Variants in SLC25A12 observed in about 807,000 individuals in gnomAD.
SLC25A12 encodes solute carrier family 25 member 12.
A neutral mutation model predicts 83.3 loss-of-function variants in SLC25A12; 32 were observed. The ratio of observed to expected loss-of-function variants is 0.38; its 90% CI spans 0.29 to 0.52. The LOEUF is 0.52. Among genes scored for constraint, SLC25A12 ranks in the 20% least tolerant of loss-of-function variants. The probability of loss-of-function intolerance (pLI) is 0.84; values close to 1 mark genes in which losing one functional copy is unlikely to be tolerated. For missense variants in SLC25A12, 611 were observed against 835.6 expected (o/e 0.73, Z 3.31); for synonymous variants, 267 against 291.1 (o/e 0.92, Z 0.84).
chr2:171,787,895 C>T lies in SLC25A12; in HGVS notation c.1638G>A (p.Leu546=). Residue 546 remains leucine (L), a synonymous_variant, in exon 16 of 18, where the codon CTG becomes CTA. Coordinates refer to ENST00000422440, the MANE Select transcript of SLC25A12 (RefSeq NM_003705.5). ...VTPADVIKTR[L]QVAARAGQTT... Reference sequence around the variant, plus strand: ...TCTGGCCAGCGCGGGCAGCCACCTGCAGTCTTGTCTTGATGACATCAGCAG... The same window carrying T: ...TCTGGCCAGCGCGGGCAGCCACCTGTAGTCTTGTCTTGATGACATCAGCAG... 1 of 1,614,250 alleles carries T rather than the reference C, an allele frequency of 6.2e-7. No homozygotes were observed.
intron 9 of SLC25A12, among the ~76,000 whole-genome samples, chr2:171,821,108 C>A (rs945752806): frequency 1.5e-5 from 2 of 134,548 alleles, no homozygotes; most frequent in Admixed American, 8.3e-5. Flanking sequence ...TGGCTCACTG[C>A]AACCTCTACC....
chr2:171,886,687 T>C (rs1429230058), intron 2 of SLC25A12, among the ~76,000 whole-genome samples: 2 of 152,002 alleles, frequency 1.3e-5, no homozygotes, highest in African/African-American at 4.8e-5. Context: ...TTTTTTTGTA[T>C]TTTTTGTAGA....
At chr2:171,867,876 G>A (rs981022484) in intron 3 of SLC25A12, among the ~76,000 whole-genome samples, 12 of 152,188 alleles carry the variant, frequency 7.9e-5, no homozygotes, top group East Asian at 5.8e-4. Context: ...ATGGAGCCTC[G>A]CTCTGTTGCC....
At chr2:171,842,784 A>C (rs1240137282) in intron 5 of SLC25A12, among the ~76,000 whole-genome samples, 1 of 152,166 alleles carries the variant, frequency 6.6e-6, no homozygotes, top group African/African-American at 2.4e-5. Context: ...GATATAAGAC[A>C]CTGTGAACGT....
At chr2:171,883,413 C>T (rs937200645) in intron 2 of SLC25A12, among the ~76,000 whole-genome samples, 1 of 152,158 alleles carries the variant, frequency 6.6e-6, no homozygotes, top group African/African-American at 2.4e-5. Context: ...CTACAAATCC[C>T]ATGTAGGCTC....
At chr2:171,888,832 T>C (rs1268483325) in intron 2 of SLC25A12, among the ~76,000 whole-genome samples, 3 of 152,192 alleles carry the variant, frequency 2.0e-5, no homozygotes, top group African/African-American at 7.2e-5. Context: ...TATTGACTAT[T>C]TGTGAACTTA....
intron 14 of SLC25A12, among the ~76,000 whole-genome samples, chr2:171,793,424 T>C (rs1243504916): frequency 6.6e-6 from 1 of 152,168 alleles, no homozygotes; most frequent in Non-Finnish European, 1.5e-5. Context: ...GGCAGTTTCA[T>C]AAAAGCCTGA....
At chr2:171,856,039 G>C in intron 3 of SLC25A12, 90 bp from the exon 4 acceptor site, 2 of 787,914 alleles carry the variant, frequency 2.5e-6, no homozygotes, top group South Asian at 2.8e-5. Flanking sequence ...CTGTAGCTCA[G>C]GGTAACCAAA....
At chr2:171,850,179 G>A (rs1684893666) in intron 4 of SLC25A12, among the ~76,000 whole-genome samples, 1 of 151,300 alleles carries the variant, frequency 6.6e-6, no homozygotes, top group Admixed American at 6.6e-5. Context: ...GCAGTGGCAT[G>A]ATCTTGGCTC....
At chr2:171,880,184 T>C (rs1309172783) in intron 2 of SLC25A12, among the ~76,000 whole-genome samples, 2 of 152,244 alleles carry the variant, frequency 1.3e-5, no homozygotes, top group African/African-American at 2.4e-5. Flanking sequence ...ATGACAGATA[T>C]ATGGTGATTC....
intron 8 of SLC25A12, among the ~76,000 whole-genome samples, chr2:171,828,378 G>A (rs564894067): frequency 6.6e-6 from 1 of 152,316 alleles, no homozygotes; most frequent in South Asian, 2.1e-4. Flanking sequence ...CTTTTCTTAT[G>A]TCAAATTCTC....
At chr2:171,818,258 T>C (rs1440999081) in intron 9 of SLC25A12, among the ~76,000 whole-genome samples, 2 of 151,610 alleles carry the variant, frequency 1.3e-5, no homozygotes, top group African/African-American at 4.8e-5. Flanking sequence ...CGTGAGCAAA[T>C]GGGCCAAAGG....
At chr2:171,824,168 A>C (rs1400816) in intron 9 of SLC25A12, among the ~76,000 whole-genome samples, 124,099 of 152,196 alleles carry the variant, frequency 0.82, 51,740 homozygotes, top group Middle Eastern at 0.91. Context: ...AAATATCTGA[A>C]AAGACCCTTG....
At chr2:171,861,088 T>C (rs1363116587) in intron 3 of SLC25A12, among the ~76,000 whole-genome samples, 1 of 151,542 alleles carries the variant, frequency 6.6e-6, no homozygotes, top group African/African-American at 2.4e-5. Flanking sequence ...TGGGACCCTG[T>C]CTCAAAAATA....
At chr2:171,854,267 CTAAA>C (rs1207242840) in intron 4 of SLC25A12, among the ~76,000 whole-genome samples, 2 of 152,092 alleles carry the variant, frequency 1.3e-5, no homozygotes, top group Non-Finnish European at 2.9e-5. Flanking sequence ...ATGCAAAAAT[CTAAA>C]TAACTCTGCA....
intron 13 of SLC25A12, among the ~76,000 whole-genome samples, chr2:171,795,165 C>A (rs991139489): frequency 1.2e-4 from 19 of 152,204 alleles, no homozygotes; most frequent in African/African-American, 3.6e-4. Context: ...GGGCCTTAAT[C>A]CCCTCTTTGT....
chr2:171,805,158 G>A (rs1412818419), intron 13 of SLC25A12, among the ~76,000 whole-genome samples: 1 of 150,938 alleles, frequency 6.6e-6, no homozygotes, highest in Non-Finnish European at 1.5e-5. Context: ...GCCCAAGCTG[G>A]AGTGCAGTGG....
intron 5 of SLC25A12, 96 bp from the exon 6 acceptor site, chr2:171,837,363 T>C: frequency 7.0e-6 from 9 of 1,287,170 alleles, no homozygotes; most frequent in African/African-American, 1.4e-5. Context: ...TTCCCACACA[T>C]GTACTTACTA....
chr2:171,792,461 T>C (rs1202818130), intron 14 of SLC25A12, among the ~76,000 whole-genome samples: 6 of 148,104 alleles, frequency 4.1e-5, no homozygotes, highest in Admixed American at 6.7e-5. Flanking sequence ...TAATTTTTTC[T>C]TTCTTTTTTT....
Sources: allele counts gnomAD v4.1 joint callset (sites outside exome capture counted in the v4.1 genomes callset), GRCh38; gene constraint gnomAD v4.1.1; transcripts MANE v1.5; gene names NCBI Gene and HGNC (gene_info 2026-07-23, HGNC 2026-07-21).